Variants in ZDHHC7 observed in about 807,000 individuals in gnomAD.
The protein encoded by ZDHHC7 is palmitoyltransferase ZDHHC7.
ZDHHC7 carries 12 observed loss-of-function variants against 34.1 expected under a neutral mutation model. The observed-to-expected ratio is 0.35, with a 90% CI of 0.23 to 0.57. The LOEUF (loss-of-function observed/expected upper bound fraction) is 0.57, where lower values mean the gene tolerates loss of function less well. Ranked by LOEUF, ZDHHC7 falls within the 20% of genes least tolerant of loss-of-function variation. The pLI, the probability that ZDHHC7 is intolerant of heterozygous loss-of-function variation, is 0.84. For missense variants in ZDHHC7, 388 were observed against 402.7 expected (o/e 0.96, Z 0.31); for synonymous variants, 185 against 155.4 (o/e 1.19, Z -1.42).
intron 3 of ZDHHC7, chr16:84,988,780 C>A (rs953449403): frequency 6.4e-7 from 1 of 1,551,650 alleles, no homozygotes; most frequent in Non-Finnish European, 8.7e-7. Flanking sequence ...AGGCTTTGCA[C>A]AGACTCGGTT....
chr16:84,976,170 C>G lies in ZDHHC7; in HGVS notation c.*173G>C. 1.2e-6 allele frequency: 1 copy of G among 817,146 alleles called. No homozygotes were observed. The highest frequency in any genetic ancestry group is 1.9e-6 in the Non-Finnish European group (1 of 531,564). 50.6% of individuals were successfully genotyped at this position (817,146 alleles called of 1,614,324 possible). ...TTGTTGTACAGGTGGGGACTGAGAG[C>G]CTCTTCCTCTGCCATCTGTGACTAT... On this transcript the variant is annotated 3_prime_UTR_variant, in exon 8 of 8. Transcript: ENST00000313732.
At position 84,976,145 on chromosome 16, in the gene ZDHHC7, T is replaced by G; in HGVS notation, c.*198A>C. 1.5e-6 allele frequency: 1 copy of G among 670,696 alleles called. No individual in the cohort carries two copies. Among genetic ancestry groups the G allele is most frequent in the Non-Finnish European group, 2.4e-6 (1 of 412,698 alleles). 41.5% of individuals were successfully genotyped at this position (670,696 alleles called of 1,614,324 possible). A position where few individuals can be genotyped will look rare whatever the true frequency, so the allele number is the denominator to read the frequency against. On this transcript the variant is annotated 3_prime_UTR_variant, in exon 8 of 8. Coordinates refer to ENST00000313732, the MANE Select transcript of ZDHHC7 (RefSeq NM_017740.3). ...CTTCGTGTGGCCACACACCTTTCCG[T>G]TGTTGTACAGGTGGGGACTGAGAGC...
chr16:84,987,948 T>C (rs751124047), intron 3 of ZDHHC7, among the ~76,000 whole-genome samples: 13 of 151,992 alleles, frequency 8.6e-5, no homozygotes, highest in Admixed American at 2.6e-4. Flanking sequence ...GGCGGGCAGA[T>C]CATAAGGTCA....
chr16:84,983,501 C>CA (rs1205548036), intron 3 of ZDHHC7, among the ~76,000 whole-genome samples: 3 of 152,262 alleles, frequency 2.0e-5, no homozygotes, highest in African/African-American at 7.2e-5. Context: ...GCAGCACAGG[C>CA]AGGGGGGCCC....
intron 1 of ZDHHC7, among the ~76,000 whole-genome samples, chr16:84,998,449 T>A (rs2072612031): frequency 6.6e-6 from 1 of 152,092 alleles, no homozygotes; most frequent in African/African-American, 2.4e-5. Flanking sequence ...TCCACGACAG[T>A]GCTTTTTCTG....
the ZDHHC7 span, among the ~76,000 whole-genome samples, chr16:85,019,350 A>C: frequency 3.3e-5 from 5 of 152,158 alleles, no homozygotes. Flanking sequence ...CTGCCTGTCC[A>C]AAAGTAGGCA....
At position 84,990,380 on chromosome 16, in the gene ZDHHC7, A is replaced by C; in HGVS notation, c.239T>G (p.Val80Gly). ...GCAGTTAAAGATGACCCCGTTGACC[A>C]CAGAGTACCAGAAGTCTTTGGAAGG... ...LLPSKDFWYS[V>G]VNGVIFNCLA... The change falls in exon 3 of 8, where the codon GTG becomes GGG. Residue 80 changes from valine (V) to glycine (G), a missense_variant. Coordinates refer to ENST00000313732, the MANE Select transcript of ZDHHC7 (RefSeq NM_017740.3). 6.2e-7 allele frequency: 1 copy of C among 1,614,188 alleles called. No individual in the cohort carries two copies.
chr16:85,003,661 C>G (rs962609346), intron 1 of ZDHHC7, among the ~76,000 whole-genome samples: 3 of 152,158 alleles, frequency 2.0e-5, no homozygotes, highest in African/African-American at 7.2e-5. Flanking sequence ...CAATGATATG[C>G]TGGCACGTAA....
chr16:85,024,319 C>T, the ZDHHC7 span, among the ~76,000 whole-genome samples: 2 of 151,436 alleles, frequency 1.3e-5, no homozygotes, highest in African/African-American at 4.9e-5. Flanking sequence ...GCAACCTCCG[C>T]CTCCCAGGTT....
chr16:84,974,942 A>G lies in ZDHHC7; in HGVS notation c.*1401T>C, dbSNP rs1038361534. 1 of 152,696 alleles carries G rather than the reference A, an allele frequency of 6.5e-6. No homozygotes were observed. The highest frequency in any genetic ancestry group is 2.4e-5 in the African/African-American group (1 of 41,458). 9.5% of individuals were successfully genotyped at this position (152,696 alleles called of 1,614,324 possible). ...ACAGTTCACAGATGAACAGAAAGGC[A>G]AAACAATTCCCAGGAGGGAGACGCC... On this transcript the variant is annotated 3_prime_UTR_variant, in exon 8 of 8. Transcript: ENST00000313732.
At chr16:84,978,397 A>G (rs2072325552) in intron 5 of ZDHHC7, among the ~76,000 whole-genome samples, 1 of 152,222 alleles carries the variant, frequency 6.6e-6, no homozygotes, top group Non-Finnish European at 1.5e-5. Context: ...AGCAGTTGAC[A>G]TTTTCCTACC....
At chr16:85,003,102 G>A (rs557194183) in intron 1 of ZDHHC7, among the ~76,000 whole-genome samples, 31 of 152,264 alleles carry the variant, frequency 2.0e-4, no homozygotes, top group African/African-American at 7.2e-4. Flanking sequence ...ACGAAGGCAA[G>A]ACCAAGATGC....
chr16:85,005,669 A>C (rs1027160421), intron 1 of ZDHHC7, among the ~76,000 whole-genome samples: 1 of 152,244 alleles, frequency 6.6e-6, no homozygotes, highest in African/African-American at 2.4e-5. Context: ...TATGGAATCT[A>C]AGAATTCAAA....
At position 84,979,190 on chromosome 16, in the gene ZDHHC7, G is replaced by A; in HGVS notation, c.536C>T (p.Thr179Ile). 6.3e-7 allele frequency: 1 copy of A among 1,596,442 alleles called. No individual in the cohort carries two copies. The highest frequency in any genetic ancestry group is 8.5e-7 in the Non-Finnish European group (1 of 1,175,094). ...EKNQRFFVLF[T>I]MYIALSSVHA... ...CAATACAAAAATATTTTTACTTACA[G>A]TGAAGAGCACAAAAAATCTTTGATT... is the stretch of plus-strand genomic sequence containing the variant. Residue 179 changes from threonine (T) to isoleucine (I), a missense_variant and splice_region_variant, in exon 5 of 8, where the codon ACT becomes ATT. Transcript: ENST00000313732.
At chr16:84,982,095 G>A (rs1341780628) in intron 3 of ZDHHC7, 101 bp from the exon 4 acceptor site, 12 of 1,492,290 alleles carry the variant, frequency 8.0e-6, no homozygotes, top group Admixed American at 1.8e-5. Flanking sequence ...ACTTTGGGAG[G>A]CTGAGGCGGG....
chr16:84,997,014 A>G (rs2072587800), intron 1 of ZDHHC7, among the ~76,000 whole-genome samples: 1 of 145,938 alleles, frequency 6.9e-6, no homozygotes, highest in Admixed American at 6.7e-5. Flanking sequence ...CGACAGAGCA[A>G]GACTCTGTCT....
upstream of ZDHHC7, among the ~76,000 whole-genome samples, chr16:85,016,135 C>T (rs945949749): frequency 1.3e-5 from 2 of 152,108 alleles, no homozygotes; most frequent in Non-Finnish European, 2.9e-5. Flanking sequence ...AGGGCCCATT[C>T]AGTTGGTTGG....
chr16:84,997,923 A>T (rs1483383666), intron 1 of ZDHHC7, among the ~76,000 whole-genome samples: 1 of 149,506 alleles, frequency 6.7e-6, no homozygotes, highest in Non-Finnish European at 1.5e-5. Flanking sequence ...AAAAAATAGA[A>T]ATGTCCCAGA....
At chr16:84,984,634 T>G (rs185261398) in intron 3 of ZDHHC7, among the ~76,000 whole-genome samples, 1 of 152,112 alleles carries the variant, frequency 6.6e-6, no homozygotes, top group South Asian at 2.1e-4. Flanking sequence ...CAAGTACACA[T>G]TGGGTGATCC....
Sources: allele counts gnomAD v4.1 joint callset (sites outside exome capture counted in the v4.1 genomes callset), GRCh38; gene constraint gnomAD v4.1.1; transcripts MANE v1.5; gene names NCBI Gene and HGNC (gene_info 2026-07-23, HGNC 2026-07-21).